CACNA1H: variants seen among roughly 807,000 people sequenced by gnomAD.
The protein encoded by CACNA1H is calcium voltage-gated channel subunit alpha1 H.
A neutral mutation model predicts 192.5 loss-of-function variants in CACNA1H; 149 were observed. The ratio of observed to expected loss-of-function variants is 0.77; its 90% CI spans 0.68 to 0.89. The LOEUF (loss-of-function observed/expected upper bound fraction) is 0.89. Ranked by LOEUF, CACNA1H falls within the 40% of genes least tolerant of loss-of-function variation. The pLI, the probability that CACNA1H is intolerant of heterozygous loss-of-function variation, is 0.00. For missense variants in CACNA1H, 4,257 were observed against 3,423.5 expected (o/e 1.24, Z -6.08); for synonymous variants, 2,202 against 1,475.2 (o/e 1.49, Z -11.29).
At chr16:1,202,475 C>T (rs1057432637) in intron 9 of CACNA1H, 23 bp downstream of exon 9, 17 of 1,460,492 alleles carry the variant, frequency 1.2e-5, no homozygotes, top group Admixed American at 4.8e-5. Context: ...CCCCACCCCA[C>T]GGAGGAGGCG....
In CACNA1H at chr16:1,196,144, C is replaced by G; in HGVS notation, c.643+121C>G. ...GGGAAATGAAGGTTACCAGGCACTCCGGCCCCAGCCCAGACCCCAGCAGTG... is the reference window on the plus strand; with the variant it reads ...GGGAAATGAAGGTTACCAGGCACTCGGGCCCCAGCCCAGACCCCAGCAGTG... On this transcript the variant is annotated intron_variant, in intron 5 of 34. Coordinates refer to ENST00000348261, the MANE Select transcript of CACNA1H (RefSeq NM_021098.3). 5.2e-6 allele frequency: 4 copies of G among 763,814 alleles called. No individual in the cohort carries two copies. The Admixed American group carries it at 7.5e-5, about 14-fold the overall frequency. 47.3% of individuals were successfully genotyped at this position (763,814 alleles called of 1,614,324 possible).
intron 28 of CACNA1H, 69 bp downstream of exon 28, chr16:1,215,150 G>A: frequency 6.3e-7 from 1 of 1,581,016 alleles, no homozygotes. Context: ...GGCAGGTGAG[G>A]CCGCAGGCTT....
Position 1,195,468 on chromosome 16 carries a change from G to A in CACNA1H, c.448G>A (p.Glu150Lys), listed in dbSNP as rs1966873452. The change falls in exon 4 of 35, where the codon GAG becomes AAG. Residue 150 changes from glutamate to lysine, a missense_variant. Glu to Lys is a moderately conservative substitution (Grantham distance 56, BLOSUM62 1). Coordinates refer to ENST00000348261, the MANE Select transcript of CACNA1H (RefSeq NM_021098.3). The stretch of plus-strand genomic sequence containing the variant: ...CTTCATTTTCGCCTTTTTTGCGGTG[G>A]AGATGGTCATCAAGATGGTGGCCTT... The part of the protein sequence containing the change: ...DAFIFAFFAV[E>K]MVIKMVALGL... The A allele has an allele frequency of 6.3e-7, 1 of 1,575,620 alleles. No individual in the cohort carries two copies. Among genetic ancestry groups the A allele is most frequent in the Non-Finnish European group, 8.6e-7 (1 of 1,160,320 alleles).
At chr16:1,199,283 C>T (rs1967443968) in intron 6 of CACNA1H, among the ~76,000 whole-genome samples, 1 of 96,522 alleles carries the variant, frequency 1.0e-5, no homozygotes, top group African/African-American at 4.7e-5. Context: ...CCCACCATGG[C>T]TCCGCCCACC....
chr16:1,184,337 G>A (rs914840807), intron 2 of CACNA1H, among the ~76,000 whole-genome samples: 2 of 152,256 alleles, frequency 1.3e-5, no homozygotes, highest in South Asian at 4.1e-4. Context: ...TGTGGAGGCC[G>A]GCAAGCGTGG....
chr16:1,201,995 C>T lies in CACNA1H; in HGVS notation c.1545C>T (p.His515=). 6.5e-7 allele frequency: 1 copy of T among 1,539,812 alleles called. No homozygotes were observed. Among genetic ancestry groups the T allele is most frequent in the Non-Finnish European group, 8.7e-7 (1 of 1,143,734 alleles). ...CAGGCAGGCACACAGCCTCGGTGCA[C>T]CACCTGGTCTACCACCACCATCACC... ...RRAGRHTASV[H]HLVYHHHHHH... Residue 515 remains histidine, a synonymous_variant, in exon 9 of 35, where the codon CAC becomes CAT. Coordinates refer to ENST00000348261, the MANE Select transcript of CACNA1H (RefSeq NM_021098.3).
intron 2 of CACNA1H, among the ~76,000 whole-genome samples, chr16:1,187,494 C>T (rs1202327861): frequency 6.6e-6 from 1 of 152,258 alleles, no homozygotes; most frequent in Admixed American, 6.5e-5. Flanking sequence ...TGGCTCAGGC[C>T]GCTTGTGCCC....
chr16:1,166,189 C>T (rs1030550978), intron 2 of CACNA1H, among the ~76,000 whole-genome samples: 3 of 152,270 alleles, frequency 2.0e-5, no homozygotes, highest in African/African-American at 7.2e-5. Context: ...GGTGAGGGTG[C>T]CTCTTGCCCC....
intron 2 of CACNA1H, among the ~76,000 whole-genome samples, chr16:1,162,818 C>T (rs1046425400): frequency 5.3e-5 from 8 of 151,976 alleles, no homozygotes; most frequent in South Asian, 2.1e-4. Flanking sequence ...GCGTGAAGGC[C>T]GAGGGAGTAT....
rs766620515 is a variant in CACNA1H, at chr16:1,205,108, C to G, written c.2452-6C>G. 1.2e-6 allele frequency: 2 copies of G among 1,609,800 alleles called. No homozygotes were observed. The highest frequency in any genetic ancestry group is 1.3e-5 in the African/African-American group (1 of 74,894). On this transcript the variant is annotated splice_polypyrimidine_tract_variant and splice_region_variant and intron_variant, in intron 10 of 34. Coordinates refer to ENST00000348261, the MANE Select transcript of CACNA1H (RefSeq NM_021098.3). ...CCTCCTGAACTGTCCCCACCTCTGC[C>G]TGCAGCCCGAGGAGCTGACTAATGC...
intron 2 of CACNA1H, among the ~76,000 whole-genome samples, chr16:1,162,045 T>C (rs1011340374): frequency 5.3e-5 from 8 of 152,128 alleles, no homozygotes; most frequent in Admixed American, 3.3e-4. Context: ...CGGGGTCGTG[T>C]CACCTCCTGG....
At chr16:1,216,507 A>T (rs1401245047) in intron 30 of CACNA1H, among the ~76,000 whole-genome samples, 1 of 152,172 alleles carries the variant, frequency 6.6e-6, no homozygotes, top group Non-Finnish European at 1.5e-5. Context: ...CCCCTCAGTC[A>T]GCTGCGTGCT....
Position 1,218,395 on chromosome 16 carries a change from C to T in CACNA1H, c.5631C>T (p.Asp1877=), listed in dbSNP as rs370108414. The T allele has an allele frequency of 3.7e-5, 58 of 1,558,288 alleles. No homozygotes were observed. Among genetic ancestry groups the T allele is most frequent in the Admixed American group, 5.8e-5 (3 of 51,706 alleles). ...AGGCACGGGAGGATGCGGAGCTGGA[C>T]GCCGAGATCGAGCTGGAGATGGCGC... The part of the protein sequence containing the change: ...NKEAREDAEL[D]AEIELEMAQG... The change falls in exon 33 of 35, where the codon GAC becomes GAT. Residue 1877 remains aspartate (D), a synonymous_variant. Transcript: ENST00000348261.
intron 2 of CACNA1H, among the ~76,000 whole-genome samples, chr16:1,159,149 G>A (rs1381504513): frequency 6.6e-6 from 1 of 152,210 alleles, no homozygotes; most frequent in African/African-American, 2.4e-5. Context: ...GAACGCCTTG[G>A]CAGACGTCTT....
intron 2 of CACNA1H, among the ~76,000 whole-genome samples, chr16:1,154,900 G>A (rs913955747): frequency 6.6e-6 from 1 of 152,304 alleles, no homozygotes; most frequent in South Asian, 2.1e-4. Context: ...AGGGCCTTGC[G>A]TGGTGCCTGT....
chr16:1,168,511 C>T (rs776028931), intron 2 of CACNA1H, among the ~76,000 whole-genome samples: 5 of 151,994 alleles, frequency 3.3e-5, no homozygotes, highest in Non-Finnish European at 5.9e-5. Flanking sequence ...GCCCAGGTCA[C>T]CCCAGAGCTG....
intron 13 of CACNA1H, 27 bp from the exon 14 acceptor site, chr16:1,207,248 C>T (rs759855467): frequency 3.2e-5 from 51 of 1,581,302 alleles, no homozygotes; most frequent in Non-Finnish European, 3.8e-5. Context: ...CTGGGGTGAC[C>T]ACCCCAGGCC....
At position 1,207,352 on chromosome 16, in the gene CACNA1H, C is replaced by G; in HGVS notation, c.2985C>G (p.Phe995Leu). 1 of 1,613,048 alleles carries G rather than the reference C, an allele frequency of 6.2e-7. No individual in the cohort carries two copies. ...ASTSSWAALY[F>L]VALMTFGNYV... The stretch of plus-strand genomic sequence containing the variant: ...CCTCCTCCTGGGCCGCCCTCTACTT[C>G]GTGGCCCTCATGACCTTCGGCAACT... The change falls in exon 14 of 35, where the codon TTC becomes TTG. Residue 995 changes from phenylalanine (F) to leucine (L), a missense_variant. Phe to Leu is a conservative substitution (Grantham distance 22). Coordinates refer to ENST00000348261, the MANE Select transcript of CACNA1H (RefSeq NM_021098.3).
intron 2 of CACNA1H, among the ~76,000 whole-genome samples, chr16:1,191,387 A>G (rs1966602286): frequency 1.1e-5 from 1 of 93,098 alleles, no homozygotes; most frequent in Non-Finnish European, 2.1e-5. Context: ...GGCCTCAGGC[A>G]CACTCGGGGT....
Sources: gnomAD v4.1 joint callset for allele counts (sites outside exome capture counted in the v4.1 genomes callset) on GRCh38, gnomAD v4.1.1 for gene constraint, MANE v1.5 for transcripts, NCBI Gene and HGNC (gene_info 2026-07-23, HGNC 2026-07-21) for gene names.